Variants in SORCS1 observed in about 807,000 individuals in gnomAD.
The protein encoded by SORCS1 is sortilin related VPS10 domain containing receptor 1.
In SORCS1, 60 loss-of-function variants were observed where a neutral mutation model predicts 146.1. The observed-to-expected ratio is 0.41, with a 90% CI of 0.33 to 0.51. The LOEUF is 0.51. Ranked by LOEUF, SORCS1 falls within the 20% of genes least tolerant of loss-of-function variation. The pLI is 0.21. For synonymous variants in SORCS1, 637 were observed against 584.0 expected (o/e 1.09, Z -1.31); for missense variants, 1,352 against 1,487.6 (o/e 0.91, Z 1.50).
At chr10:106,607,045 T>G (rs910161080) in intron 23 of SORCS1, 121 bp downstream of exon 23, 1 of 1,325,634 alleles carries the variant, frequency 7.5e-7, no homozygotes. Flanking sequence ...TGCTCTTGCA[T>G]GTGCTTTTGG....
intron 1 of SORCS1, among the ~76,000 whole-genome samples, chr10:106,957,595 G>C (rs1247987694): frequency 6.6e-6 from 1 of 152,052 alleles, no homozygotes; most frequent in South Asian, 2.1e-4. Context: ...AGGGCTAAAC[G>C]ACAGCATTTT....
chr10:107,055,529 C>G (rs1960539165), intron 1 of SORCS1, among the ~76,000 whole-genome samples: 1 of 152,160 alleles, frequency 6.6e-6, no homozygotes, highest in African/African-American at 2.4e-5. Flanking sequence ...CACCAGTGGG[C>G]AGAAAATATT....
intron 17 of SORCS1, among the ~76,000 whole-genome samples, chr10:106,662,676 G>T (rs1331757419): frequency 1.3e-5 from 2 of 152,184 alleles, no homozygotes; most frequent in Non-Finnish European, 2.9e-5. Flanking sequence ...GCAGGCATTG[G>T]CATCTGGGCT....
chr10:106,740,016 G>A (rs986435499), intron 5 of SORCS1, among the ~76,000 whole-genome samples: 6 of 151,666 alleles, frequency 4.0e-5, no homozygotes, highest in Admixed American at 3.9e-4. Flanking sequence ...CTGACCCCAT[G>A]GAAATGATAT....
At chr10:107,004,175 C>CAAAAAAA (rs1190654041) in intron 1 of SORCS1, among the ~76,000 whole-genome samples, 4 of 49,570 alleles carry the variant, frequency 8.1e-5, no homozygotes, top group African/African-American at 1.7e-4. Context: ...GATCCCATCT[C>CAAAAAAA]AAAAAAAAAA....
intron 1 of SORCS1, among the ~76,000 whole-genome samples, chr10:107,137,862 C>CA (rs57279379): frequency 0.16 from 15,129 of 95,344 alleles, 1,121 homozygotes; most frequent in East Asian, 0.41. Flanking sequence ...AACTCCGTCT[C>CA]AAAAAAAAAA....
intron 22 of SORCS1, among the ~76,000 whole-genome samples, chr10:106,607,644 G>T (rs1455092489): frequency 6.6e-6 from 1 of 152,222 alleles, no homozygotes; most frequent in African/African-American, 2.4e-5. Flanking sequence ...TACACATGAA[G>T]TATTTACAGT....
intron 5 of SORCS1, among the ~76,000 whole-genome samples, chr10:106,734,604 T>A (rs1856821259): frequency 6.6e-6 from 1 of 152,192 alleles, no homozygotes; most frequent in Non-Finnish European, 1.5e-5. Context: ...AAACCAGCCA[T>A]ATCAGCATGT....
rs569657413 is a variant in SORCS1, at chr10:106,675,674, C to A, written c.1833-518G>T. Among the ~76,000 whole-genome samples, 3 of 152,308 alleles carry A rather than the reference C, an allele frequency of 2.0e-5. No individual in the cohort carries two copies. In the East Asian group the frequency reaches 5.8e-4, roughly 29 times the overall value. ...CTCTTGAAAGCAAGAGAAGATAATT[C>A]TTCAGTCCTGATGGTCACTGGAATG... On this transcript the variant is annotated intron_variant, in intron 13 of 25. Coordinates refer to ENST00000263054, the MANE Select transcript of SORCS1 (RefSeq NM_052918.5).
intron 1 of SORCS1, among the ~76,000 whole-genome samples, chr10:107,123,683 T>C (rs904255237): frequency 6.6e-6 from 1 of 152,172 alleles, no homozygotes; most frequent in Non-Finnish European, 1.5e-5. Context: ...TTGCAGGCCC[T>C]GGAGACAGAA....
intron 9 of SORCS1, among the ~76,000 whole-genome samples, chr10:106,693,080 G>A (rs1853421003): frequency 6.6e-6 from 1 of 152,068 alleles, no homozygotes. Flanking sequence ...AATTAACCCT[G>A]TGTGTACACT....
intron 1 of SORCS1, among the ~76,000 whole-genome samples, chr10:107,135,207 A>T (rs1967184268): frequency 6.6e-6 from 1 of 152,210 alleles, no homozygotes; most frequent in Non-Finnish European, 1.5e-5. Context: ...CCTTTCTAAA[A>T]CAATTGGAAA....
chr10:106,705,566 G>A (rs1854458133), intron 8 of SORCS1, among the ~76,000 whole-genome samples: 1 of 152,192 alleles, frequency 6.6e-6, no homozygotes, highest in Non-Finnish European at 1.5e-5. Context: ...TGTTCTTTGT[G>A]CAACCCAAAG....
At chr10:107,081,375 C>T (rs1267289670) in intron 1 of SORCS1, among the ~76,000 whole-genome samples, 2 of 152,188 alleles carry the variant, frequency 1.3e-5, no homozygotes, top group East Asian at 3.8e-4. Context: ...GGAAAGTTGA[C>T]TTGATTGCTT....
At chr10:106,927,733 G>A (rs1445460788) in intron 2 of SORCS1, among the ~76,000 whole-genome samples, 1 of 152,116 alleles carries the variant, frequency 6.6e-6, no homozygotes, top group Non-Finnish European at 1.5e-5. Flanking sequence ...GGTTCTCCAA[G>A]TCCCCACCAG....
chr10:106,614,240 T>G (rs1349503473), intron 21 of SORCS1, among the ~76,000 whole-genome samples: 1 of 152,196 alleles, frequency 6.6e-6, no homozygotes, highest in Non-Finnish European at 1.5e-5. Flanking sequence ...AATTTATGCA[T>G]TTATTTATTT....
At chr10:107,046,034 C>T (rs1421730738) in intron 1 of SORCS1, among the ~76,000 whole-genome samples, 1 of 151,866 alleles carries the variant, frequency 6.6e-6, no homozygotes, top group Admixed American at 6.6e-5. Context: ...GCAACTTCTG[C>T]CTCCCGGGTT....
At chr10:107,102,940 G>A (rs768326758) in intron 1 of SORCS1, among the ~76,000 whole-genome samples, 5 of 152,020 alleles carry the variant, frequency 3.3e-5, no homozygotes, top group African/African-American at 9.7e-5. Flanking sequence ...GCCTCCAAAT[G>A]CTTGCTATCA....
intron 5 of SORCS1, 110 bp from the exon 6 acceptor site, chr10:106,730,224 C>T (rs41291872): frequency 1.8e-4 from 170 of 921,094 alleles, no homozygotes; most frequent in Non-Finnish European, 2.8e-4. Context: ...GCATCTAAAC[C>T]CACAATCCTT....
Sources: allele counts gnomAD v4.1 joint callset (sites outside exome capture counted in the v4.1 genomes callset), GRCh38; gene constraint gnomAD v4.1.1; transcripts MANE v1.5; gene names NCBI Gene and HGNC (gene_info 2026-07-23, HGNC 2026-07-21).